The following CLDN10 variants were observed in gnomAD, a reference collection of about 807,000 sequenced individuals.
CLDN10 encodes the protein claudin-10.
A neutral mutation model predicts 22.9 loss-of-function variants in CLDN10; 15 were observed. That is an observed-to-expected ratio of 0.65 (90% CI 0.44 to 1.01). CLDN10 has a LOEUF of 1.01. Ranked by LOEUF, CLDN10 falls within the 50% of genes least tolerant of loss-of-function variation. CLDN10 has a pLI of 0.00. For synonymous variants in CLDN10, 114 were observed against 111.4 expected (o/e 1.02, Z -0.15); for missense variants, 247 against 287.8 (o/e 0.86, Z 1.03).
intron 1 of CLDN10, among the ~76,000 whole-genome samples, chr13:95,527,008 C>T (rs1056629381): frequency 1.3e-5 from 2 of 152,096 alleles, no homozygotes; most frequent in African/African-American, 4.8e-5. Flanking sequence ...GGAGGATTTG[C>T]CCCCATTGAA....
chr13:95,539,106 C>T (rs764952129), intron 1 of CLDN10, among the ~76,000 whole-genome samples: 17 of 152,022 alleles, frequency 1.1e-4, no homozygotes, highest in Non-Finnish European at 2.1e-4. Flanking sequence ...CTTGAACTCC[C>T]GACCTCAGGT....
At chr13:95,518,993 G>A (rs2043198453) in intron 1 of CLDN10, among the ~76,000 whole-genome samples, 1 of 152,134 alleles carries the variant, frequency 6.6e-6, no homozygotes, top group Admixed American at 6.5e-5. Flanking sequence ...GCCTCCATGA[G>A]TATGTGACAG....
At chr13:95,510,497 G>A (rs1245664734) in intron 1 of CLDN10, among the ~76,000 whole-genome samples, 1 of 152,030 alleles carries the variant, frequency 6.6e-6, no homozygotes, top group Non-Finnish European at 1.5e-5. Flanking sequence ...GTTTTCCCGG[G>A]TTAATGGTAA....
At chr13:95,542,083 C>CAGAGCA (rs893620195) in intron 1 of CLDN10, among the ~76,000 whole-genome samples, 13 of 152,138 alleles carry the variant, frequency 8.5e-5, no homozygotes, top group Non-Finnish European at 1.9e-4. Flanking sequence ...GTCACATGGC[C>CAGAGCA]AGAGCAAGAG....
At chr13:95,511,963 A>AGCATTAGGT in intron 1 of CLDN10, among the ~76,000 whole-genome samples, 1 of 138,384 alleles carries the variant, frequency 7.2e-6, no homozygotes, top group Non-Finnish European at 1.6e-5. Flanking sequence ...CTCATCATTT[A>AGCATTAGGT]ACATTAGGTA....
intron 1 of CLDN10, among the ~76,000 whole-genome samples, chr13:95,509,245 T>C (rs1298598053): frequency 1.3e-5 from 2 of 152,186 alleles, no homozygotes; most frequent in African/African-American, 2.4e-5. Flanking sequence ...AGACAATAAC[T>C]AAGGTTTGTA....
intron 1 of CLDN10, among the ~76,000 whole-genome samples, chr13:95,493,685 G>A (rs187129353): frequency 2.6e-5 from 4 of 151,476 alleles, no homozygotes; most frequent in South Asian, 2.1e-4. Context: ...TCAGTCTCCC[G>A]AGTAGCTGGA....
chr13:95,576,561 G>A (rs1004915479), intron 3 of CLDN10, among the ~76,000 whole-genome samples: 5 of 152,144 alleles, frequency 3.3e-5, no homozygotes, highest in Admixed American at 6.6e-5. Context: ...GTCCGCTACT[G>A]CAAGTGATCT....
At chr13:95,549,200 A>G (rs1163055264), upstream of CLDN10, among the ~76,000 whole-genome samples, 1 of 152,248 alleles carries the variant, frequency 6.6e-6, no homozygotes, top group Non-Finnish European at 1.5e-5. Flanking sequence ...AGACTAAACT[A>G]TTGTTAACTA....
intron 1 of CLDN10, among the ~76,000 whole-genome samples, chr13:95,556,783 C>T (rs552616396): frequency 1.3e-5 from 2 of 152,290 alleles, no homozygotes; most frequent in East Asian, 3.9e-4. Context: ...ATTCTTTTTT[C>T]CCCCCTAAAT....
upstream of CLDN10, chr13:95,552,607 GC>G: frequency 1.0e-6 from 1 of 998,410 alleles, no homozygotes; most frequent in Non-Finnish European, 1.4e-6. Flanking sequence ...GGTCGCGTGC[GC>G]CCCCTGGCGC....
At chr13:95,464,947 A>G (rs1358718146) in intron 1 of CLDN10, among the ~76,000 whole-genome samples, 1 of 152,112 alleles carries the variant, frequency 6.6e-6, no homozygotes, top group Non-Finnish European at 1.5e-5. Flanking sequence ...GGCTGGTCTC[A>G]AACTCCTGAC....
intron 1 of CLDN10, among the ~76,000 whole-genome samples, chr13:95,556,789 T>TA (rs768236021): frequency 1.3e-5 from 2 of 151,326 alleles, no homozygotes; most frequent in Admixed American, 6.6e-5. Context: ...TTTTCCCCCC[T>TA]AAATCCATCA....
intron 1 of CLDN10, among the ~76,000 whole-genome samples, chr13:95,438,622 T>C (rs1228462423): frequency 6.6e-6 from 1 of 152,178 alleles, no homozygotes; most frequent in African/African-American, 2.4e-5. Context: ...GTGAGCCTTC[T>C]CTCCTCACTT....
chr13:95,552,531 T>A (rs1222987317), upstream of CLDN10, among the ~76,000 whole-genome samples: 1 of 151,796 alleles, frequency 6.6e-6, no homozygotes, highest in Non-Finnish European at 1.5e-5. Flanking sequence ...CAGCTGCAGA[T>A]GGAGAACCCG....
intron 1 of CLDN10, among the ~76,000 whole-genome samples, chr13:95,435,500 G>T (rs985794036): frequency 6.6e-6 from 1 of 152,276 alleles, no homozygotes; most frequent in South Asian, 2.1e-4. Flanking sequence ...ATATTCAAGC[G>T]TGGATGCCTC....
intron 3 of CLDN10, among the ~76,000 whole-genome samples, chr13:95,565,566 A>G (rs530207863): frequency 1.3e-5 from 2 of 152,300 alleles, no homozygotes; most frequent in African/African-American, 4.8e-5. Flanking sequence ...TAAGCTTTAT[A>G]TAATAAAATA....
intron 1 of CLDN10, among the ~76,000 whole-genome samples, chr13:95,504,892 G>C (rs1048464739): frequency 6.6e-6 from 1 of 152,218 alleles, no homozygotes; most frequent in African/African-American, 2.4e-5. Context: ...AGTCACTGTT[G>C]ATTATTACAC....
chr13:95,485,151 GA>G (rs10707695), intron 1 of CLDN10, among the ~76,000 whole-genome samples: 90,025 of 151,732 alleles, frequency 0.59, 27,941 homozygotes, highest in African/African-American at 0.79. Flanking sequence ...GAACCACCAG[GA>G]AGCTGTGGGA....
Sources: gnomAD v4.1 joint callset for allele counts (sites outside exome capture counted in the v4.1 genomes callset) on GRCh38, gnomAD v4.1.1 for gene constraint, MANE v1.5 for transcripts, NCBI Gene and HGNC (gene_info 2026-07-23, HGNC 2026-07-21) for gene names.